ATF7IP: variants seen among roughly 807,000 people sequenced by gnomAD.
The protein encoded by ATF7IP is activating transcription factor 7 interacting protein.
ATF7IP carries 23 observed loss-of-function variants against 106.4 expected under a neutral mutation model. The ratio of observed to expected loss-of-function variants is 0.22; its 90% CI spans 0.16 to 0.31. The LOEUF (loss-of-function observed/expected upper bound fraction) is 0.31, where lower values mean the gene tolerates loss of function less well. Among genes scored for constraint, ATF7IP ranks in the 10% least tolerant of loss-of-function variants. ATF7IP has a pLI of 1.00. For missense variants in ATF7IP, 1,334 were observed against 1,524.3 expected (o/e 0.88, Z 2.08); for synonymous variants, 542 against 539.0 (o/e 1.01, Z -0.08).
intron 1 of ATF7IP, among the ~76,000 whole-genome samples, chr12:14,402,123 C>CT (rs1591796119): frequency 3.6e-5 from 4 of 110,406 alleles, no homozygotes; most frequent in South Asian, 3.4e-4. Flanking sequence ...TTCTTTTCTT[C>CT]TTTCTTTTTT....
At chr12:14,445,073 C>A (rs1001179809) in intron 5 of ATF7IP, among the ~76,000 whole-genome samples, 2 of 149,588 alleles carry the variant, frequency 1.3e-5, no homozygotes, top group Non-Finnish European at 3.0e-5. Flanking sequence ...CTCACTGCAG[C>A]CTCTGCCTCC....
chr12:14,497,888 C>A lies in ATF7IP; in HGVS notation c.3628C>A (p.Pro1210Thr). The change falls in exon 15 of 15, where the codon CCC (proline) becomes ACC (threonine). Residue 1210 changes from proline (P) to threonine (T), a missense_variant. Pro to Thr is a conservative substitution (Grantham distance 38, BLOSUM62 -1). Coordinates refer to ENST00000261168, the MANE Select transcript of ATF7IP (RefSeq NM_018179.5). ...AYHEEPSATV[P>T]SQWKKIGEVK... The stretch of plus-strand genomic sequence containing the variant: ...CCATGAGGAACCCAGTGCCACTGTG[C>A]CCTCACAATGGAAAAAGATTGGGGA... The A allele has an allele frequency of 6.2e-7, 1 of 1,614,122 alleles. No homozygotes were observed.
chr12:14,459,873 C>T (rs544931951), intron 8 of ATF7IP, among the ~76,000 whole-genome samples: 1 of 152,306 alleles, frequency 6.6e-6, no homozygotes, highest in South Asian at 2.1e-4. Flanking sequence ...CTCATTTCTT[C>T]TTAATTCATC....
At chr12:14,379,126 CT>C (rs766034108) in intron 1 of ATF7IP, among the ~76,000 whole-genome samples, 3 of 152,118 alleles carry the variant, frequency 2.0e-5, no homozygotes, top group African/African-American at 4.8e-5. Flanking sequence ...GGGTCATGGG[CT>C]GGATTTTTCA....
intron 1 of ATF7IP, among the ~76,000 whole-genome samples, chr12:14,404,538 C>T (rs1940446286): frequency 6.6e-6 from 1 of 152,134 alleles, no homozygotes; most frequent in Non-Finnish European, 1.5e-5. Context: ...TTATATTTCA[C>T]ATGGAAAGCT....
intron 5 of ATF7IP, 30 bp downstream of exon 5, chr12:14,438,297 C>T: frequency 1.9e-6 from 3 of 1,546,024 alleles, no homozygotes; most frequent in Non-Finnish European, 2.6e-6. Flanking sequence ...TTGTATACTC[C>T]ATGTGTCATT....
At chr12:14,475,277 C>A (rs1231674780) in intron 10 of ATF7IP, among the ~76,000 whole-genome samples, 2 of 152,206 alleles carry the variant, frequency 1.3e-5, no homozygotes. Context: ...CTGTAAGACA[C>A]ACTGACTTCA....
chr12:14,406,045 A>G (rs1264805736), intron 1 of ATF7IP, among the ~76,000 whole-genome samples: 1 of 152,212 alleles, frequency 6.6e-6, no homozygotes, highest in African/African-American at 2.4e-5. Flanking sequence ...ATTCCAAGAC[A>G]TGTTTAAAGT....
At chr12:14,466,325 C>T (rs893565144) in intron 9 of ATF7IP, 2 of 461,524 alleles carry the variant, frequency 4.3e-6, no homozygotes, top group Non-Finnish European at 7.7e-6. Flanking sequence ...TTTTTTTAAT[C>T]TGTATTGTGA....
Position 14,498,082 on chromosome 12 carries a change from G to A in ATF7IP, c.*9G>A. ...CTACCCAGAGCAGTTAAACCTTGGA[G>A]CCTTTATATTTTCCTCTTTTAAAAT... On this transcript the variant is annotated 3_prime_UTR_variant, in exon 15 of 15. Coordinates refer to ENST00000261168, the MANE Select transcript of ATF7IP (RefSeq NM_018179.5). 1 of 1,544,896 alleles carries A rather than the reference G, an allele frequency of 6.5e-7. No homozygotes were observed. Among genetic ancestry groups the A allele is most frequent in the Non-Finnish European group, 8.7e-7 (1 of 1,144,034 alleles).
At chr12:14,488,802 A>G (rs1944712258) in intron 13 of ATF7IP, among the ~76,000 whole-genome samples, 1 of 152,208 alleles carries the variant, frequency 6.6e-6, no homozygotes, top group Admixed American at 6.5e-5. Context: ...GCCAAATACT[A>G]TTACATAAAG....
At chr12:14,430,059 TC>T (rs988902577) in intron 2 of ATF7IP, among the ~76,000 whole-genome samples, 1 of 152,128 alleles carries the variant, frequency 6.6e-6, no homozygotes, top group African/African-American at 2.4e-5. Flanking sequence ...GGAGAAAAGA[TC>T]CAAGAATTGT....
At chr12:14,487,029 A>G (rs983747512) in intron 13 of ATF7IP, among the ~76,000 whole-genome samples, 2 of 152,140 alleles carry the variant, frequency 1.3e-5, no homozygotes, top group African/African-American at 2.4e-5. Context: ...CCCTTCCTCT[A>G]CATTAACCAA....
intron 1 of ATF7IP, among the ~76,000 whole-genome samples, chr12:14,406,908 T>A (rs555540940): frequency 6.6e-6 from 1 of 152,338 alleles, no homozygotes; most frequent in African/African-American, 2.4e-5. Flanking sequence ...TTTAAAAGCT[T>A]GGTTAAATTT....
intron 13 of ATF7IP, among the ~76,000 whole-genome samples, chr12:14,484,235 A>G (rs1944517202): frequency 6.6e-6 from 1 of 152,128 alleles, no homozygotes; most frequent in South Asian, 2.1e-4. Flanking sequence ...GAGCCCAGGC[A>G]TCACCTCCAT....
chr12:14,460,425 T>C, intron 8 of ATF7IP, 70 bp from the exon 9 acceptor site: 1 of 1,398,472 alleles, frequency 7.2e-7, no homozygotes, highest in Non-Finnish European at 9.8e-7. Flanking sequence ...TTAATTTGTG[T>C]CTGTCATATT....
intron 9 of ATF7IP, among the ~76,000 whole-genome samples, chr12:14,465,918 A>G (rs775609481): frequency 6.6e-6 from 1 of 152,078 alleles, no homozygotes; most frequent in African/African-American, 2.4e-5. Context: ...GGTGCAAAAA[A>G]CCTTTGATAA....
chr12:14,430,141 C>T (rs1942047189), intron 2 of ATF7IP, among the ~76,000 whole-genome samples: 1 of 152,090 alleles, frequency 6.6e-6, no homozygotes, highest in Non-Finnish European at 1.5e-5. Flanking sequence ...GAAAGAGCAG[C>T]CCCTGAGGTA....
At chr12:14,451,854 A>G (rs1212342445) in intron 6 of ATF7IP, among the ~76,000 whole-genome samples, 5 of 152,094 alleles carry the variant, frequency 3.3e-5, no homozygotes, top group Non-Finnish European at 7.4e-5. Flanking sequence ...AGCTTATCCT[A>G]TGTGTCTGTT....
Sources: gnomAD v4.1 joint callset for allele counts (sites outside exome capture counted in the v4.1 genomes callset) on GRCh38, gnomAD v4.1.1 for gene constraint, MANE v1.5 for transcripts, NCBI Gene and HGNC (gene_info 2026-07-23, HGNC 2026-07-21) for gene names.